The following TRAPPC8 variants were observed in gnomAD, a reference collection of about 807,000 sequenced individuals.
TRAPPC8 encodes trafficking protein particle complex subunit 8, also known as general sporulation gene 1 homolog.
In TRAPPC8, 54 loss-of-function variants were observed where a neutral mutation model predicts 174.3. The observed-to-expected ratio is 0.31, with a 90% CI of 0.25 to 0.39. The LOEUF is 0.39. Ranked by LOEUF, TRAPPC8 falls within the 10% of genes least tolerant of loss-of-function variation. The pLI is 1.00. For missense variants in TRAPPC8, 1,531 were observed against 1,699.1 expected (o/e 0.90, Z 1.74); for synonymous variants, 630 against 579.9 (o/e 1.09, Z -1.24).
At chr18:31,897,118 A>C (rs1055010550) in intron 11 of TRAPPC8, among the ~76,000 whole-genome samples, 1 of 152,270 alleles carries the variant, frequency 6.6e-6, no homozygotes, top group East Asian at 1.9e-4. Flanking sequence ...CAAACAAAGG[A>C]GGTGTTTGAT....
chr18:31,852,342 C>T (rs1207434758), intron 24 of TRAPPC8, 104 bp downstream of exon 24: 24 of 1,318,132 alleles, frequency 1.8e-5, no homozygotes, highest in Middle Eastern at 2.7e-4. Context: ...GTCTCCCCCC[C>T]AAAAAAAAGC....
At chr18:31,880,034 T>C (rs1201060019) in intron 12 of TRAPPC8, among the ~76,000 whole-genome samples, 1 of 136,044 alleles carries the variant, frequency 7.4e-6, no homozygotes, top group African/African-American at 2.8e-5. Context: ...AGCCAAATTC[T>C]ACCATATGCA....
Position 31,869,572 on chromosome 18 carries a change from T to A in TRAPPC8, c.2388+800A>T, listed in dbSNP as rs140679159. On this transcript the variant is annotated intron_variant, in intron 16 of 28. Coordinates refer to ENST00000283351, the MANE Select transcript of TRAPPC8 (RefSeq NM_014939.5). ...AGGTAAAAAGCCACACACAAAAAAG[T>A]GCACCACAGTATTACCGTGATAGTC... Among the ~76,000 whole-genome samples the A allele has an allele frequency of 1.4e-3, 216 of 152,188 alleles. 1 individual carries two copies. Among genetic ancestry groups the A allele is most frequent in the African/African-American group, 4.9e-3 (203 of 41,524 alleles).
chr18:31,853,922 G>A lies in TRAPPC8; in HGVS notation c.3360C>T (p.Phe1120=). The change falls in exon 22 of 29, where the codon TTC becomes TTT. Residue 1120 remains phenylalanine (F), a synonymous_variant. Coordinates refer to ENST00000283351, the MANE Select transcript of TRAPPC8 (RefSeq NM_014939.5). ...TACTACTTGATACTTGCACTATGTG[G>A]AATTCCTTAACGCCTGCTTCACTCT... ...TNTSEAGVKE[F]HIVQVSSSSK... is the part of the protein sequence containing the mutation. 6.2e-7 allele frequency: 1 copy of A among 1,610,322 alleles called. No homozygotes were observed.
rs868761107 is a variant in TRAPPC8 at position 31,874,374 on chromosome 18, A to C, written c.1953+106T>G. 1.1e-5 allele frequency: 13 copies of C among 1,205,472 alleles called. No individual in the cohort carries two copies. In the Middle Eastern group the frequency reaches 1.0e-3, roughly 96 times the overall value. 74.7% of individuals were successfully genotyped at this position (1,205,472 alleles called of 1,614,324 possible). A position where few individuals can be genotyped will look rare whatever the true frequency, so the allele number is the denominator to read the frequency against. ...TGCCACAGCTTTTTTATGACTGATAACTACATATATTCTAATAAAACTATC... is the reference window on the plus strand; with the variant it reads ...TGCCACAGCTTTTTTATGACTGATACCTACATATATTCTAATAAAACTATC... On this transcript the variant is annotated intron_variant, in intron 13 of 28. Transcript: ENST00000283351.
intron 10 of TRAPPC8, among the ~76,000 whole-genome samples, chr18:31,900,490 T>C (rs994306690): frequency 1.3e-5 from 2 of 152,196 alleles, no homozygotes; most frequent in African/African-American, 4.8e-5. Context: ...AAATATCCCA[T>C]GAAATCTCCC....
chr18:31,848,668 A>C (rs971576033), intron 25 of TRAPPC8, among the ~76,000 whole-genome samples: 5 of 152,236 alleles, frequency 3.3e-5, no homozygotes, highest in African/African-American at 4.8e-5. Context: ...GAGTCAATTT[A>C]AAATACATGT....
chr18:31,935,502 C>T (rs868295050), intron 1 of TRAPPC8, among the ~76,000 whole-genome samples: 8 of 126,792 alleles, frequency 6.3e-5, no homozygotes, highest in African/African-American at 1.5e-4. Flanking sequence ...GAGCCAAGAT[C>T]GTGCCATTGC....
intron 10 of TRAPPC8, among the ~76,000 whole-genome samples, chr18:31,898,423 G>A (rs939989763): frequency 5.3e-5 from 8 of 152,208 alleles, no homozygotes; most frequent in East Asian, 1.9e-4. Context: ...TAATTTGGCA[G>A]TAAGAATACA....
intron 2 of TRAPPC8, among the ~76,000 whole-genome samples, chr18:31,923,611 C>T (rs1006388362): frequency 6.6e-6 from 1 of 152,108 alleles, no homozygotes; most frequent in African/African-American, 2.4e-5. Flanking sequence ...TTTCTATGAT[C>T]TCCAAAGAGT....
chr18:31,929,850 C>G (rs756071500), intron 2 of TRAPPC8, among the ~76,000 whole-genome samples: 1 of 152,036 alleles, frequency 6.6e-6, no homozygotes, highest in Non-Finnish European at 1.5e-5. Flanking sequence ...CAAGAAATAC[C>G]CAAATTTTTG....
chr18:31,866,291 AAAAC>A (rs2034582641), intron 18 of TRAPPC8, among the ~76,000 whole-genome samples: 1 of 152,124 alleles, frequency 6.6e-6, no homozygotes, highest in African/African-American at 2.4e-5. Context: ...CTGAGTTTAA[AAAAC>A]AAAGAAAACT....
Position 31,908,809 on chromosome 18 carries a change from G to A in TRAPPC8, c.1067C>T (p.Thr356Ile), listed in dbSNP as rs1346289281. ...DRIRQFIQEF[T>I]FRGLLPHIEK... ...TATATGTGGCAAAAGGCCCCGAAAT[G>A]TGAACTCTTGTATAAACTGTCGAAT... Residue 356 changes from threonine to isoleucine, a missense_variant, in exon 7 of 29, where the codon ACA (threonine) becomes ATA (isoleucine). By Grantham distance (89) the Thr-to-Ile change is moderately conservative. Transcript: ENST00000283351. 3 of 1,612,858 alleles carry A rather than the reference G, an allele frequency of 1.9e-6. No individual in the cohort carries two copies. Among genetic ancestry groups the A allele is most frequent in the South Asian group, 2.2e-5 (2 of 90,940 alleles).
chr18:31,902,948 C>T (rs1387001611), intron 9 of TRAPPC8, among the ~76,000 whole-genome samples: 1 of 151,588 alleles, frequency 6.6e-6, no homozygotes, highest in Non-Finnish European at 1.5e-5. Context: ...ACTCGGGAGG[C>T]TGAGGCAGGA....
intron 16 of TRAPPC8, among the ~76,000 whole-genome samples, chr18:31,868,036 AT>A (rs1406465609): frequency 6.6e-6 from 1 of 152,214 alleles, no homozygotes; most frequent in African/African-American, 2.4e-5. Flanking sequence ...CTTTTTCAAA[AT>A]TGGTCAATTA....
intron 2 of TRAPPC8, among the ~76,000 whole-genome samples, chr18:31,919,092 C>G (rs2037266263): frequency 6.6e-6 from 1 of 152,132 alleles, no homozygotes; most frequent in Non-Finnish European, 1.5e-5. Flanking sequence ...GCCAAATATA[C>G]AGATATTTTA....
chr18:31,942,877 C>T lies in TRAPPC8; in HGVS notation c.-113G>A. The T allele has an allele frequency of 8.0e-7, 1 of 1,254,504 alleles. No individual in the cohort carries two copies. The highest frequency in any genetic ancestry group is 1.5e-5 in the African/African-American group (1 of 64,520). The allele number at this position is 1,254,504 out of a possible 1,614,324, so 77.7% of individuals were successfully genotyped here. On this transcript the variant is annotated 5_prime_UTR_variant, in exon 1 of 29. Coordinates refer to ENST00000283351, the MANE Select transcript of TRAPPC8 (RefSeq NM_014939.5). Reference sequence around the variant, plus strand: ...CCGGCCTGGCCCGGCCGGGCGGGGCCCCGAACGCACTGGAGCCTAGAAACA... The same window carrying T: ...CCGGCCTGGCCCGGCCGGGCGGGGCTCCGAACGCACTGGAGCCTAGAAACA...
rs59323781 is a variant in TRAPPC8, at chr18:31,934,949, CATAAATAAATAA to C, written c.158-3438_158-3427del. 1.8e-3 allele frequency among the ~76,000 whole-genome samples: 258 copies of C among 140,378 alleles called. 1 individual carries two copies. The highest frequency in any genetic ancestry group is 3.9e-3 in the Admixed American group (54 of 13,698). The allele number at this position is 140,378 out of a possible 152,430, so 92.1% of individuals were successfully genotyped here. A position where few individuals can be genotyped will look rare whatever the true frequency, so the allele number is the denominator to read the frequency against. ...TGGGCAACAGAGAGAGGCTCCGTCT[CATAAATAAATAA>C]ATAAATAAATAAATAAATAAATAAA... On this transcript the variant is annotated intron_variant, in intron 1 of 28. Coordinates refer to ENST00000283351, the MANE Select transcript of TRAPPC8 (RefSeq NM_014939.5).
chr18:31,913,253 A>T, intron 5 of TRAPPC8, 116 bp downstream of exon 5: 1 of 1,162,616 alleles, frequency 8.6e-7, no homozygotes, highest in Non-Finnish European at 1.2e-6. Flanking sequence ...CACCTCTGAC[A>T]GATCAAAACT....
Sources: allele counts gnomAD v4.1 joint callset (sites outside exome capture counted in the v4.1 genomes callset), GRCh38; gene constraint gnomAD v4.1.1; transcripts MANE v1.5; gene names NCBI Gene and HGNC (gene_info 2026-07-23, HGNC 2026-07-21).